Variants in CCNT2 observed in about 807,000 individuals in gnomAD.
CCNT2 encodes cyclin T2.
A neutral mutation model predicts 70.0 loss-of-function variants in CCNT2; 18 were observed. The observed-to-expected ratio is 0.26, with a 90% CI of 0.18 to 0.38. The LOEUF is 0.38. CCNT2 is among the 10% of genes least tolerant of loss of function. The pLI, the probability that CCNT2 is intolerant of heterozygous loss-of-function variation, is 1.00. For missense variants in CCNT2, 734 were observed against 890.2 expected (o/e 0.82, Z 2.23); for synonymous variants, 334 against 313.3 (o/e 1.07, Z -0.70).
chr2:134,953,520 A>G lies in CCNT2; in HGVS notation c.1065A>G (p.Gln355=), dbSNP rs1480093800. The change falls in exon 9 of 9, where the codon CAA becomes CAG. Residue 355 remains glutamine (Q), a synonymous_variant. Transcript: ENST00000264157. ...CACACCAGGAATGGCCTCAACATCA[A>G]GACTCAGCAAGGACAGAACAGCTAT... The part of the protein sequence containing the change: ...LSSHQEWPQH[Q]DSARTEQLYS... 1 of 1,614,226 alleles carries G rather than the reference A, an allele frequency of 6.2e-7. No individual in the cohort carries two copies. The highest frequency in any genetic ancestry group is 8.5e-7 in the Non-Finnish European group (1 of 1,180,042).
chr2:134,940,080 T>G (rs976491949), intron 4 of CCNT2, among the ~76,000 whole-genome samples: 3 of 152,232 alleles, frequency 2.0e-5, no homozygotes, highest in Non-Finnish European at 2.9e-5. Flanking sequence ...TGGAATAGTA[T>G]CTGAGTCATA....
In CCNT2 at chr2:134,944,374, A is replaced by G. The variant is rs957037484; in HGVS notation, c.493+1700A>G. The G allele has an allele frequency of 2.0e-5, 19 of 967,004 alleles. No homozygotes were observed. The African/African-American group carries it at 3.3e-4, about 17-fold the overall frequency. 59.9% of individuals were successfully genotyped at this position (967,004 alleles called of 1,614,324 possible). On this transcript the variant is annotated intron_variant, in intron 5 of 8. Coordinates refer to ENST00000264157, the MANE Select transcript of CCNT2 (RefSeq NM_058241.3). ...AGGAAGTACTAGTATATGTTTAAAA[A>G]TATTACTTGTGAATATTAACTTAGG...
intron 2 of CCNT2, among the ~76,000 whole-genome samples, chr2:134,935,592 C>A (rs1023508567): frequency 2.0e-5 from 3 of 152,166 alleles, no homozygotes; most frequent in Non-Finnish European, 4.4e-5. Context: ...GTACTCAAAT[C>A]TTGACATTTA....
chr2:134,943,387 G>C, intron 5 of CCNT2: 1 of 957,624 alleles, frequency 1.0e-6, no homozygotes, highest in Non-Finnish European at 1.2e-6. Context: ...GGCAGCAAGA[G>C]TGAGACCCTA....
chr2:134,921,802 T>C (rs1263286010), intron 2 of CCNT2, among the ~76,000 whole-genome samples: 1 of 152,256 alleles, frequency 6.6e-6, no homozygotes, highest in Admixed American at 6.5e-5. Flanking sequence ...CTTAAATGTT[T>C]TCCTTCAATA....
At chr2:134,922,691 G>A (rs1013027322) in intron 2 of CCNT2, among the ~76,000 whole-genome samples, 3 of 152,108 alleles carry the variant, frequency 2.0e-5, no homozygotes, top group Non-Finnish European at 4.4e-5. Flanking sequence ...TGATGCCAAG[G>A]TATATACTGA....
intron 2 of CCNT2, among the ~76,000 whole-genome samples, chr2:134,929,269 G>T (rs996457613): frequency 5.3e-5 from 8 of 151,912 alleles, no homozygotes; most frequent in Admixed American, 3.9e-4. Context: ...TTAGGCTTTC[G>T]GTTTCCTTGA....
chr2:134,946,263 G>A (rs903899222), intron 6 of CCNT2, 117 bp downstream of exon 6: 2 of 1,325,622 alleles, frequency 1.5e-6, no homozygotes, highest in African/African-American at 3.0e-5. Context: ...ACCATCTACT[G>A]TGGTGGTACC....
rs11385900 is a variant in CCNT2 at position 134,948,720 on chromosome 2, C to CTTT, written c.703+833_703+835dup. Among the ~76,000 whole-genome samples, 305 of 143,220 alleles carry CTTT rather than the reference C, an allele frequency of 2.1e-3. 5 individuals are homozygous for CTTT. Among genetic ancestry groups the CTTT allele is most frequent in the African/African-American group, 7.1e-3 (277 of 39,060 alleles). The allele number at this position is 143,220 out of a possible 152,430, so 94.0% of individuals were successfully genotyped here. A position where few individuals can be genotyped will look rare whatever the true frequency, so the allele number is the denominator to read the frequency against. ...GATTTCAGCAAGAAAATAGATAACA[C>CTTT]TTTTTTTTTTTTTTGAGTCAGTCTC... On this transcript the variant is annotated intron_variant, in intron 7 of 8. Transcript: ENST00000264157.
chr2:134,918,878 T>C lies in CCNT2; in HGVS notation c.24T>C (p.Ser8=), dbSNP rs762102247. The change falls in exon 1 of 9, where the codon TCT becomes TCC. Residue 8 remains serine, a synonymous_variant. Transcript: ENST00000264157. ...TCATGGCGTCGGGCCGTGGAGCTTC[T>C]TCTCGCTGGTTCTTTACTCGGGAAC... MASGRGA[S]SRWFFTREQL... 6.2e-6 allele frequency: 10 copies of C among 1,613,648 alleles called. No homozygotes were observed. The Admixed American group carries it at 1.0e-4, about 16-fold the overall frequency.
chr2:134,936,754 CA>C (rs879463855), intron 2 of CCNT2, 86 bp from the exon 3 acceptor site: 2,522 of 1,073,054 alleles, frequency 2.4e-3, no homozygotes, highest in Admixed American at 3.2e-3. Context: ...AACTCCACCT[CA>C]AAAAAAAAAC....
At chr2:134,948,234 A>G (rs951398538) in intron 7 of CCNT2, among the ~76,000 whole-genome samples, 5 of 152,130 alleles carry the variant, frequency 3.3e-5, no homozygotes, top group Non-Finnish European at 1.5e-5. Flanking sequence ...CGGGATGATC[A>G]CTTGAGCACG....
chr2:134,936,961 A>G lies in CCNT2; in HGVS notation c.361A>G (p.Lys121Glu). ...TCCTCTAGAGCCACTGCTGGATACT[A>G]AATGTGATGTATGTAAATACTGGGT... Reference protein sequence around the residue: ...LHPLEPLLDTKCDAYLQQTQE... With the variant: ...LHPLEPLLDTECDAYLQQTQE... Residue 121 changes from lysine to glutamate, a missense_variant, in exon 3 of 9, where the codon AAA becomes GAA. Lys to Glu is a moderately conservative substitution (Grantham distance 56, BLOSUM62 1). Around this residue, in one of 3 missense-constraint regions of CCNT2, gnomAD observed 161 missense variants for 303.8 expected, o/e 0.53. Coordinates refer to ENST00000264157, the MANE Select transcript of CCNT2 (RefSeq NM_058241.3). The G allele has an allele frequency of 1.9e-6, 3 of 1,605,474 alleles. No individual in the cohort carries two copies. Among genetic ancestry groups the G allele is most frequent in the Non-Finnish European group, 1.7e-6 (2 of 1,174,316 alleles).
rs779467738 is a variant in CCNT2, at chr2:134,954,047, C to T, written c.1592C>T (p.Ser531Phe). 1.2e-6 allele frequency: 2 copies of T among 1,614,130 alleles called. No individual in the cohort carries two copies. The highest frequency in any genetic ancestry group is 2.2e-5 in the East Asian group (1 of 44,880). The change falls in exon 9 of 9, where the codon TCT (serine) becomes TTT (phenylalanine). Residue 531 changes from serine to phenylalanine, a missense_variant. By Grantham distance (155) the Ser-to-Phe change is radical (BLOSUM62 -2). Coordinates refer to ENST00000264157, the MANE Select transcript of CCNT2 (RefSeq NM_058241.3). ...EELKMKIKVS[S>F]SERHSSSDEG... ...CTGAAAATGAAAATAAAAGTTTCTTCTTCAGAAAGACACAGCTCTTCTGAT... is the reference window on the plus strand; with the variant it reads ...CTGAAAATGAAAATAAAAGTTTCTTTTTCAGAAAGACACAGCTCTTCTGAT...
chr2:134,933,628 G>T (rs1246620749), intron 2 of CCNT2, among the ~76,000 whole-genome samples: 1 of 152,172 alleles, frequency 6.6e-6, no homozygotes, highest in Non-Finnish European at 1.5e-5. Context: ...TCAGTGTTTG[G>T]ATATGCTTGC....
Position 134,929,182 on chromosome 2 carries a change from T to G in CCNT2, c.241-7659T>G, listed in dbSNP as rs139431003. On this transcript the variant is annotated intron_variant, in intron 2 of 8. Coordinates refer to ENST00000264157, the MANE Select transcript of CCNT2 (RefSeq NM_058241.3). ...TTCTCAAAACAAAACCTGATTCTACTTTTAAATTAACAAATGTGTGATAAA... is the reference window on the plus strand; with the variant it reads ...TTCTCAAAACAAAACCTGATTCTACGTTTAAATTAACAAATGTGTGATAAA... Among the ~76,000 whole-genome samples the G allele has an allele frequency of 2.0e-4, 30 of 152,358 alleles. No individual in the cohort carries two copies. In the East Asian group the frequency reaches 4.8e-3, roughly 24 times the overall value.
chr2:134,930,153 C>T, intron 2 of CCNT2, among the ~76,000 whole-genome samples: 1 of 152,276 alleles, frequency 6.6e-6, no homozygotes, highest in East Asian at 1.9e-4. Context: ...GTTCACCAGT[C>T]CCACTCCCCT....
chr2:134,940,856 TTGAATTGTTTGATATGTAC>T lies in CCNT2; in HGVS notation c.431-1753_431-1735del, dbSNP rs563837071. On this transcript the variant is annotated intron_variant, in intron 4 of 8. Transcript: ENST00000264157. ...AAAGTTGTGATGTTACAAAAAAAAGTTGAATTGTTTGATATGTACTGTAGATTGAGGTCTGTAGCTACAG... is the reference window on the plus strand; with the variant it reads ...AAAGTTGTGATGTTACAAAAAAAAGTTGTAGATTGAGGTCTGTAGCTACAG... 1.1e-4 allele frequency among the ~76,000 whole-genome samples: 16 copies of T among 152,280 alleles called. No individual in the cohort carries two copies. In the East Asian group the frequency reaches 2.9e-3, roughly 28 times the overall value.
intron 2 of CCNT2, among the ~76,000 whole-genome samples, chr2:134,934,101 T>C (rs1680982353): frequency 6.6e-6 from 1 of 152,246 alleles, no homozygotes; most frequent in African/African-American, 2.4e-5. Flanking sequence ...TTTGAGAATG[T>C]TACATTTCCT....
Sources: gnomAD v4.1 joint callset for allele counts (sites outside exome capture counted in the v4.1 genomes callset) on GRCh38, gnomAD v4.1.1 for gene constraint, gnomAD v4.1.1 regional missense constraint, MANE v1.5 for transcripts, NCBI Gene and HGNC (gene_info 2026-07-23, HGNC 2026-07-21) for gene names.